ATF6B: variants seen among roughly 807,000 people sequenced by gnomAD.
ATF6B encodes the protein cyclic AMP-dependent transcription factor ATF-6 beta.
ATF6B carries 50 observed loss-of-function variants against 83.5 expected under a neutral mutation model. That is an observed-to-expected ratio of 0.60 (90% CI 0.48 to 0.76). ATF6B has a LOEUF of 0.76. Among genes scored for constraint, ATF6B ranks in the 30% least tolerant of loss-of-function variants. The pLI is 0.00. For synonymous variants in ATF6B, 344 were observed against 362.8 expected, an observed-to-expected ratio of 0.95 and a Z score of 0.59; for missense variants, 790 against 893.8, an observed-to-expected ratio of 0.88 and a Z score of 1.48.
Position 32,117,324 on chromosome 6 carries a change from T to A in ATF6B, c.1613A>T (p.Gln538Leu). Reference sequence around the variant, plus strand: ...CCTTGAACCAGCCACCCGCCCTACCTGTCTCTCCTGGGCCCTCTGAGGGAT... The same window carrying A: ...CCTTGAACCAGCCACCCGCCCTACCAGTCTCTCCTGGGCCCTCTGAGGGAT... ...RKIPQRAQERQKSQPRKKSPP... is the reference protein window; with the variant it reads ...RKIPQRAQERLKSQPRKKSPP... Residue 538 changes from glutamine to leucine, a missense_variant and splice_region_variant, in exon 14 of 18, where the codon CAG becomes CTG. Gln to Leu is a moderately radical substitution (Grantham distance 113, BLOSUM62 -2). Coordinates refer to ENST00000375203, the MANE Select transcript of ATF6B (RefSeq NM_004381.5). The surrounding 1 kb of genome is among the most constrained non-coding windows in gnomAD (Gnocchi z 5.0). 2.5e-6 allele frequency: 4 copies of A among 1,613,496 alleles called. No homozygotes were observed. The highest frequency in any genetic ancestry group is 3.4e-6 in the Non-Finnish European group (4 of 1,179,608).
Position 32,115,985 on chromosome 6 carries a change from G to A in ATF6B, c.1883-17C>T. On this transcript the variant is annotated splice_polypyrimidine_tract_variant and intron_variant, in intron 17 of 17. Coordinates refer to ENST00000375203, the MANE Select transcript of ATF6B (RefSeq NM_004381.5). The stretch of plus-strand genomic sequence containing the variant: ...ACAGGGTCTCTGTGAGAAGGGGAGA[G>A]TTAAGGAAGAGGAGATGGGGAGGCA... 3 of 1,600,518 alleles carry A rather than the reference G, an allele frequency of 1.9e-6. No homozygotes were observed. The highest frequency in any genetic ancestry group is 1.1e-5 in the South Asian group (1 of 90,086).
In ATF6B at chr6:32,117,622, AGAG is replaced by A. The variant is rs1562903356; in HGVS notation, c.1494_1496del (p.Ser499del). ...CAGTGCGGTTGAAGTGCCGGCAATC[AGAG>A]GAGAGGAAGAGCTGGTCTAGGTCTC... On this transcript the variant is annotated inframe_deletion, in exon 13 of 18. Transcript: ENST00000375203. This position sits in a 1 kb window ranked among gnomAD's most constrained non-coding sequence, Gnocchi z 5.0. The A allele has an allele frequency of 6.2e-7, 1 of 1,614,188 alleles. No individual in the cohort carries two copies. The highest frequency in any genetic ancestry group is 8.5e-7 in the Non-Finnish European group (1 of 1,180,012).
In ATF6B at chr6:32,127,179, G is replaced by T; in HGVS notation, c.266C>A (p.Ser89Tyr). The T allele has an allele frequency of 1.2e-6, 2 of 1,610,728 alleles. No individual in the cohort carries two copies. The highest frequency in any genetic ancestry group is 1.7e-6 in the Non-Finnish European group (2 of 1,178,766). The change falls in exon 4 of 18, where the codon TCT becomes TAT. Residue 89 changes from serine (S) to tyrosine (Y), a missense_variant. Physicochemically the swap from Ser to Tyr is moderately radical, Grantham distance 144 (BLOSUM62 -2). Around this residue, in one of 3 missense-constraint regions of ATF6B, gnomAD observed 253 missense variants for 243.1 expected, o/e 1.04. Transcript: ENST00000375203. ...GGAAGAGCAGGGGGAAGATGGCTCAGACTTCACCTGAAGATCTGGAGGAAA... is the reference window on the plus strand; with the variant it reads ...GGAAGAGCAGGGGGAAGATGGCTCATACTTCACCTGAAGATCTGGAGGAAA... ...LPIFPDLQVKSEPSSPCSSSS... is the reference protein window; with the variant it reads ...LPIFPDLQVKYEPSSPCSSSS...
In ATF6B at chr6:32,117,586, C is replaced by A; in HGVS notation, c.1532+1G>T. The A allele has an allele frequency of 6.2e-7, 1 of 1,613,624 alleles. No individual in the cohort carries two copies. The highest frequency in any genetic ancestry group is 8.5e-7 in the Non-Finnish European group (1 of 1,179,672). ...GGATGCCCCAGCAATGAATCCCACACCTCAGGGACTCAGTGCGGTTGAAGT... is the reference window on the plus strand; with the variant it reads ...GGATGCCCCAGCAATGAATCCCACAACTCAGGGACTCAGTGCGGTTGAAGT... On this transcript the variant is annotated splice_donor_variant, in intron 13 of 17. Transcript: ENST00000375203. LOFTEE classifies it high-confidence loss of function. This position sits in a 1 kb window ranked among gnomAD's most constrained non-coding sequence, Gnocchi z 5.0.
At position 32,118,438 on chromosome 6, in the gene ATF6B, T is replaced by C. The variant is rs1781618501; in HGVS notation, c.1244+337A>G. ...GTGAAACCCTGTCTCTACTAAAAAATACAAAAAATTAGCCGGGCATGGTGG... is the reference window on the plus strand; with the variant it reads ...GTGAAACCCTGTCTCTACTAAAAAACACAAAAAATTAGCCGGGCATGGTGG... On this transcript the variant is annotated intron_variant, in intron 11 of 17. Transcript: ENST00000375203. The surrounding 1 kb of genome is among the most constrained non-coding windows in gnomAD (Gnocchi z 5.2). Among the ~76,000 whole-genome samples the C allele has an allele frequency of 1.3e-5, 2 of 151,818 alleles. No individual in the cohort carries two copies. Among genetic ancestry groups the C allele is most frequent in the African/African-American group, 4.8e-5 (2 of 41,306 alleles).
chr6:32,123,986 C>T (rs71565307), intron 5 of ATF6B, among the ~76,000 whole-genome samples: 351 of 152,274 alleles, frequency 2.3e-3, no homozygotes, highest in Admixed American at 3.7e-3. Flanking sequence ...GGTGGATCAC[C>T]TGAGGTCGGG....
Position 32,115,472 on chromosome 6 carries a change from A to G in ATF6B, c.*267T>C. On this transcript the variant is annotated 3_prime_UTR_variant, in exon 18 of 18. Transcript: ENST00000375203. ...CAAAATAAAAAATATGCAGCAGCTCACCACCCACCCCACAACTGAACCTCA... is the reference window on the plus strand; with the variant it reads ...CAAAATAAAAAATATGCAGCAGCTCGCCACCCACCCCACAACTGAACCTCA... The G allele has an allele frequency of 2.5e-6, 1 of 399,036 alleles. No individual in the cohort carries two copies. The highest frequency in any genetic ancestry group is 4.4e-6 in the Non-Finnish European group (1 of 226,826). 24.7% of individuals were successfully genotyped at this position (399,036 alleles called of 1,614,324 possible).
At position 32,119,848 on chromosome 6, in the gene ATF6B, T is replaced by C. The variant is rs1273257545; in HGVS notation, c.942A>G (p.Gly314=). The C allele has an allele frequency of 7.4e-6, 12 of 1,614,016 alleles. No individual in the cohort carries two copies. Among genetic ancestry groups the C allele is most frequent in the Admixed American group, 1.7e-5 (1 of 60,000 alleles). The part of the protein sequence containing the change: ...RKSIVPAPMP[G]NSCPPEVDAK... ...CATCCACTTCAGGCGGGCAGGAGTT[T>C]CCAGGCATAGGAGCGGGAACGATGC... is the stretch of plus-strand genomic sequence containing the variant. Residue 314 remains glycine, a synonymous_variant, in exon 9 of 18, where the codon GGA becomes GGG. Transcript: ENST00000375203. This position sits in a 1 kb window ranked among gnomAD's most constrained non-coding sequence, Gnocchi z 4.9.
At chr6:32,123,159 C>T (rs1562910427) in intron 5 of ATF6B, among the ~76,000 whole-genome samples, 2 of 131,632 alleles carry the variant, frequency 1.5e-5, no homozygotes, top group South Asian at 2.5e-4. Context: ...ACCCAGGAAA[C>T]GGAGGTTGCA....
intron 8 of ATF6B, chr6:32,120,214 C>T: frequency 3.9e-6 from 1 of 258,096 alleles, no homozygotes. Flanking sequence ...TCTCCTGCCT[C>T]AGCCTCCCCA....
At chr6:32,127,571 G>A (rs1782036236) in intron 2 of ATF6B, 51 bp from the exon 3 acceptor site, 15 of 1,608,896 alleles carry the variant, frequency 9.3e-6, no homozygotes, top group Non-Finnish European at 1.3e-5. Flanking sequence ...GGATGAGAAA[G>A]TAGGGGTGAC....
Position 32,125,940 on chromosome 6 carries a change from C to T in ATF6B, c.478+177G>A. ...CTCAGCACTGCCCTTGCTGTGGTTC[C>T]CTGAAATGTTTCCTCTCCTTCCTGC... On this transcript the variant is annotated intron_variant, in intron 5 of 17. Coordinates refer to ENST00000375203, the MANE Select transcript of ATF6B (RefSeq NM_004381.5). The surrounding 1 kb of genome is among the most constrained non-coding windows in gnomAD (Gnocchi z 4.1). The T allele has an allele frequency of 1.2e-6, 1 of 845,616 alleles. No individual in the cohort carries two copies. Among genetic ancestry groups the T allele is most frequent in the Non-Finnish European group, 1.8e-6 (1 of 557,750 alleles). The allele number at this position is 845,616 out of a possible 1,614,324, so 52.4% of individuals were successfully genotyped here.
chr6:32,123,546 G>A (rs979750067), intron 5 of ATF6B, among the ~76,000 whole-genome samples: 1 of 151,992 alleles, frequency 6.6e-6, no homozygotes, highest in African/African-American at 2.4e-5. Flanking sequence ...CTGCCACCAT[G>A]CCTGGCTAAT....
At position 32,121,036 on chromosome 6, in the gene ATF6B, A is replaced by T. The variant is rs200158224; in HGVS notation, c.653T>A (p.Leu218His). 28 of 1,549,886 alleles carry T rather than the reference A, an allele frequency of 1.8e-5. No homozygotes were observed. Among genetic ancestry groups the T allele is most frequent in the Non-Finnish European group, 9.5e-6 (11 of 1,152,194 alleles). ...GCCCATGCTGATCTGGACAGCTCCA[A>T]GTGAGGGGGCTGGGACATCCCACAG... ...CLLWDVPAPS[L>H]GAVQISMGPS... The change falls in exon 7 of 18, where the codon CTT becomes CAT. Residue 218 changes from leucine (L) to histidine (H), a missense_variant. This residue lies in a region of ATF6B where 530 missense variants were observed against 632.6 expected (regional missense o/e 0.84). Transcript: ENST00000375203.
chr6:32,116,663 G>A lies in ATF6B; in HGVS notation c.1797+41C>T. ...CCCCCCACTGAAGACAGACTGCTGGGAACCTGGGGTGACAGAGATGGAAGG... is the reference window on the plus strand; with the variant it reads ...CCCCCCACTGAAGACAGACTGCTGGAAACCTGGGGTGACAGAGATGGAAGG... On this transcript the variant is annotated intron_variant, in intron 16 of 17. Transcript: ENST00000375203. The surrounding 1 kb of genome is among the most constrained non-coding windows in gnomAD (Gnocchi z 5.1). The A allele has an allele frequency of 2.5e-6, 4 of 1,608,880 alleles. No homozygotes were observed. The highest frequency in any genetic ancestry group is 3.4e-6 in the Non-Finnish European group (4 of 1,175,340).
Position 32,118,628 on chromosome 6 carries a change from G to C in ATF6B, c.1244+147C>G. 2.6e-6 allele frequency: 2 copies of C among 755,610 alleles called. No homozygotes were observed. The highest frequency in any genetic ancestry group is 4.4e-6 in the Non-Finnish European group (2 of 458,840). The allele number at this position is 755,610 out of a possible 1,614,324, so 46.8% of individuals were successfully genotyped here. A position where few individuals can be genotyped will look rare whatever the true frequency, so the allele number is the denominator to read the frequency against. The stretch of plus-strand genomic sequence containing the variant: ...AAAAGACAAATAATGGAGCAGGAAG[G>C]GGCTGGCCAGACACATCATCGGTGC... On this transcript the variant is annotated intron_variant, in intron 11 of 17. Transcript: ENST00000375203. The surrounding 1 kb of genome is among the most constrained non-coding windows in gnomAD (Gnocchi z 5.2).
In ATF6B at chr6:32,118,828, C is replaced by T. The variant is rs767021716; in HGVS notation, c.1191G>A (p.Val397=). Residue 397 remains valine, a synonymous_variant, in exon 11 of 18, where the codon GTG becomes GTA. Transcript: ENST00000375203. This position sits in a 1 kb window ranked among gnomAD's most constrained non-coding sequence, Gnocchi z 5.2. ...ELKLGSGNRK[V]VCIMVFLLFI... ...AGAGAAGGAAGACCATGATGCAGAC[C>T]ACCTTCCTGTTTCCAGACCCTAACT... 9.3e-6 allele frequency: 15 copies of T among 1,614,128 alleles called. No homozygotes were observed. Among genetic ancestry groups the T allele is most frequent in the African/African-American group, 1.3e-5 (1 of 74,938 alleles).
rs1781956721 is a variant in ATF6B, at chr6:32,126,005, T to C, written c.478+112A>G. 8 of 1,466,524 alleles carry C rather than the reference T, an allele frequency of 5.5e-6. No homozygotes were observed. In the South Asian group the frequency reaches 1.1e-4, roughly 21 times the overall value. 90.8% of individuals were successfully genotyped at this position (1,466,524 alleles called of 1,614,324 possible). On this transcript the variant is annotated intron_variant, in intron 5 of 17. Coordinates refer to ENST00000375203, the MANE Select transcript of ATF6B (RefSeq NM_004381.5). ...TTCTGCCATTTCCCCTCCCCACCTTTTTCTCCCTGTCCTGCTGCCTGCACT... is the reference window on the plus strand; with the variant it reads ...TTCTGCCATTTCCCCTCCCCACCTTCTTCTCCCTGTCCTGCTGCCTGCACT...
Position 32,119,808 on chromosome 6 carries a change from C to A in ATF6B, c.966+16G>T, listed in dbSNP as rs770559209. 1 of 1,613,086 alleles carries A rather than the reference C, an allele frequency of 6.2e-7. No individual in the cohort carries two copies. The highest frequency in any genetic ancestry group is 1.7e-5 in the Admixed American group (1 of 59,924). The stretch of plus-strand genomic sequence containing the variant: ...TTCCCATCACTCGCCCTACTTCTCT[C>A]CTCCCCAACACTTACATCCACTTCA... On this transcript the variant is annotated intron_variant, in intron 9 of 17. Coordinates refer to ENST00000375203, the MANE Select transcript of ATF6B (RefSeq NM_004381.5). The surrounding 1 kb of genome is among the most constrained non-coding windows in gnomAD (Gnocchi z 4.9).
Sources: gnomAD v4.1 joint callset for allele counts (sites outside exome capture counted in the v4.1 genomes callset) on GRCh38, gnomAD v4.1.1 for gene constraint, gnomAD v4.1.1 regional missense constraint, Gnocchi (gnomAD v3.1) non-coding constraint, MANE v1.5 for transcripts, NCBI Gene and HGNC (gene_info 2026-07-23, HGNC 2026-07-21) for gene names.